DNAJC2: variants seen among roughly 807,000 people sequenced by gnomAD.
DNAJC2 encodes dnaJ homolog subfamily C member 2.
DNAJC2 carries 32 observed loss-of-function variants against 94.0 expected under a neutral mutation model. The observed-to-expected ratio is 0.34, with a 90% CI of 0.26 to 0.46. The LOEUF (loss-of-function observed/expected upper bound fraction) is 0.46. DNAJC2 is among the 20% of genes least tolerant of loss of function. The probability of loss-of-function intolerance (pLI) is 1.00; values close to 1 mark genes in which losing one functional copy is unlikely to be tolerated. For missense variants in DNAJC2, 550 were observed against 719.5 expected (o/e 0.76, Z 2.69); for synonymous variants, 210 against 229.7 (o/e 0.91, Z 0.77).
At chr7:103,319,718 C>A in intron 11 of DNAJC2, 38 bp downstream of exon 11, 1 of 1,613,946 alleles carries the variant, frequency 6.2e-7, no homozygotes. Context: ...TTATCCTAAG[C>A]TCAAGTGAAG....
intron 4 of DNAJC2, chr7:103,327,276 T>C: frequency 1.0e-6 from 1 of 998,344 alleles, no homozygotes; most frequent in Non-Finnish European, 1.4e-6. Flanking sequence ...CCATAAAGCA[T>C]CTGAAACGAA....
intron 3 of DNAJC2, among the ~76,000 whole-genome samples, chr7:103,333,109 C>G (rs972891077): frequency 6.6e-6 from 1 of 151,028 alleles, no homozygotes; most frequent in Non-Finnish European, 1.5e-5. Context: ...CATGCTGGCA[C>G]TCAGAATTTG....
intron 15 of DNAJC2, chr7:103,314,575 A>T: frequency 2.0e-6 from 2 of 985,286 alleles, no homozygotes; most frequent in Non-Finnish European, 2.4e-6. Flanking sequence ...TATTTTGTGG[A>T]GATAAAGGTG....
intron 16 of DNAJC2, 107 bp downstream of exon 16, chr7:103,312,840 T>G: frequency 6.6e-7 from 1 of 1,524,796 alleles, no homozygotes; most frequent in Non-Finnish European, 8.8e-7. Context: ...CTACTGGTTT[T>G]GAAATAAGCA....
At position 103,344,429 on chromosome 7, in the gene DNAJC2, G is replaced by T. The variant is rs904414397; in HGVS notation, c.64+130C>A. 1.5e-5 allele frequency: 15 copies of T among 1,006,388 alleles called. No homozygotes were observed. The African/African-American group carries it at 1.6e-4, about 11-fold the overall frequency. 62.3% of individuals were successfully genotyped at this position (1,006,388 alleles called of 1,614,324 possible). A position where few individuals can be genotyped will look rare whatever the true frequency, so the allele number is the denominator to read the frequency against. ...TAAAACACGGAGCAAAAAGGCACTCGTCACGGCCCCATACGGCCCCGGGGC... is the reference window on the plus strand; with the variant it reads ...TAAAACACGGAGCAAAAAGGCACTCTTCACGGCCCCATACGGCCCCGGGGC... On this transcript the variant is annotated intron_variant, in intron 1 of 16. Transcript: ENST00000379263.
At chr7:103,334,527 G>C (rs1397038163) in intron 3 of DNAJC2, among the ~76,000 whole-genome samples, 2 of 149,668 alleles carry the variant, frequency 1.3e-5, no homozygotes, top group African/African-American at 2.5e-5. Context: ...AGTGAGCCAA[G>C]ATCACGCGAC....
chr7:103,340,714 ATT>A (rs1819343348), intron 2 of DNAJC2, among the ~76,000 whole-genome samples: 1 of 152,208 alleles, frequency 6.6e-6, no homozygotes, highest in Non-Finnish European at 1.5e-5. Context: ...CTACTAAAGC[ATT>A]ATCTATTTGT....
At chr7:103,327,562 T>G in intron 4 of DNAJC2, 94 bp downstream of exon 4, 1 of 814,386 alleles carries the variant, frequency 1.2e-6, no homozygotes, top group Non-Finnish European at 2.0e-6. Context: ...AAAGGATAGT[T>G]GAATGAACTA....
intron 1 of DNAJC2, among the ~76,000 whole-genome samples, chr7:103,343,864 C>T (rs1819488860): frequency 6.6e-6 from 1 of 152,162 alleles, no homozygotes; most frequent in Non-Finnish European, 1.5e-5. Context: ...AAATGCAACA[C>T]GTGCCATGGG....
rs777747276 is a variant in DNAJC2, at chr7:103,322,638, A to G, written c.812-6T>C. The stretch of plus-strand genomic sequence containing the variant: ...ATCACAGCTGTATGCATTGTCTAGC[A>G]AAAGAAAAAGTTAATCTCATTTTGA... On this transcript the variant is annotated splice_polypyrimidine_tract_variant and splice_region_variant and intron_variant, in intron 8 of 16. Transcript: ENST00000379263. 1.1e-5 allele frequency: 18 copies of G among 1,612,950 alleles called. No individual in the cohort carries two copies. The highest frequency in any genetic ancestry group is 1.5e-5 in the Non-Finnish European group (18 of 1,179,794).
At chr7:103,316,529 A>G in intron 13 of DNAJC2, 1 of 284,638 alleles carries the variant, frequency 3.5e-6, no homozygotes, top group Non-Finnish European at 6.5e-6. Flanking sequence ...AAGAAAAACT[A>G]CAGAAAACCT....
intron 3 of DNAJC2, among the ~76,000 whole-genome samples, chr7:103,333,950 CA>C (rs372154864): frequency 1.7e-4 from 25 of 148,752 alleles, no homozygotes; most frequent in Admixed American, 4.0e-4. Flanking sequence ...CTGTTGTGAA[CA>C]TTTTTTTTTT....
At chr7:103,320,266 A>G (rs1245942080) in intron 10 of DNAJC2, among the ~76,000 whole-genome samples, 1 of 151,352 alleles carries the variant, frequency 6.6e-6, no homozygotes, top group Non-Finnish European at 1.5e-5. Flanking sequence ...TTTTTTCTAT[A>G]TTTAGTAGAG....
chr7:103,313,708 A>C, intron 15 of DNAJC2: 6 of 985,426 alleles, frequency 6.1e-6, no homozygotes, highest in Non-Finnish European at 7.2e-6. Context: ...GAACACTTCC[A>C]ATAACTGCTA....
At chr7:103,314,732 T>C in intron 15 of DNAJC2, 3 of 769,222 alleles carry the variant, frequency 3.9e-6, no homozygotes, top group Non-Finnish European at 4.7e-6. Flanking sequence ...TCCTCCCCTA[T>C]ATTAACACTG....
intron 7 of DNAJC2, among the ~76,000 whole-genome samples, 160 bp downstream of exon 7, chr7:103,323,437 AG>A (rs1818530715): frequency 6.6e-6 from 1 of 152,238 alleles, no homozygotes; most frequent in African/African-American, 2.4e-5. Context: ...GGGCCCACCT[AG>A]TTTAACTTGT....
At position 103,324,544 on chromosome 7, in the gene DNAJC2, A is replaced by AT. The variant is rs1818598119; in HGVS notation, c.590dup (p.Asn197LysfsTer4). Reference sequence around the variant, plus strand: ...AATTCATATCACCAAGTTTAGGAACATTTTTTTTATTTGACCATCTGAAAT... The same window carrying AT: ...AATTCATATCACCAAGTTTAGGAACATTTTTTTTTATTTGACCATCTGAAAT... On this transcript the variant is annotated frameshift_variant, in exon 6 of 17. Transcript: ENST00000379263. LOFTEE classifies it high-confidence loss of function. 31 of 1,485,626 alleles carry AT rather than the reference A, an allele frequency of 2.1e-5. No individual in the cohort carries two copies. Among genetic ancestry groups the AT allele is most frequent in the Admixed American group, 4.8e-5 (2 of 41,756 alleles). The allele number at this position is 1,485,626 out of a possible 1,614,324, so 92.0% of individuals were successfully genotyped here. A position where few individuals can be genotyped will look rare whatever the true frequency, so the allele number is the denominator to read the frequency against.
At chr7:103,339,924 C>T (rs986184972) in intron 2 of DNAJC2, among the ~76,000 whole-genome samples, 5 of 152,166 alleles carry the variant, frequency 3.3e-5, no homozygotes, top group African/African-American at 9.7e-5. Context: ...CAGCAACCTC[C>T]ACCTCCTGAG....
In DNAJC2 at chr7:103,326,578, G is replaced by A. The variant is rs748270951; in HGVS notation, c.537C>T (p.Phe179=). The A allele has an allele frequency of 2.5e-6, 4 of 1,613,780 alleles. No individual in the cohort carries two copies. Among genetic ancestry groups the A allele is most frequent in the Admixed American group, 3.3e-5 (2 of 59,976 alleles). The change falls in exon 5 of 17, where the codon TTC becomes TTT. Residue 179 remains phenylalanine, a synonymous_variant. Coordinates refer to ENST00000379263, the MANE Select transcript of DNAJC2 (RefSeq NM_014377.3). ...TTTCAAACACTGGGGTAAACACTTCGAAGAAATTATCCTTTGCTTCACTTT... is the reference window on the plus strand; with the variant it reads ...TTTCAAACACTGGGGTAAACACTTCAAAGAAATTATCCTTTGCTTCACTTT... The part of the protein sequence containing the change: ...PSKSEAKDNF[F]EVFTPVFERN...
Sources: allele counts gnomAD v4.1 joint callset (sites outside exome capture counted in the v4.1 genomes callset), GRCh38; gene constraint gnomAD v4.1.1; transcripts MANE v1.5; gene names NCBI Gene and HGNC (gene_info 2026-07-23, HGNC 2026-07-21).